The following DNAH7 variants were observed in gnomAD, a reference collection of about 807,000 sequenced individuals.
DNAH7 encodes dynein axonemal heavy chain 7.
A neutral mutation model predicts 444.6 loss-of-function variants in DNAH7; 397 were observed. That is an observed-to-expected ratio of 0.89 (90% CI 0.82 to 0.97). The LOEUF (loss-of-function observed/expected upper bound fraction) is 0.97. Ranked by LOEUF, DNAH7 falls within the 50% of genes least tolerant of loss-of-function variation. The pLI, the probability that DNAH7 is intolerant of heterozygous loss-of-function variation, is 0.00. For missense variants in DNAH7, 4,902 were observed against 4,800.8 expected (o/e 1.02, Z -0.62); for synonymous variants, 1,636 against 1,624.4 (o/e 1.01, Z -0.17).
At chr2:195,750,331 T>A (rs1295540292) in intron 63 of DNAH7, among the ~76,000 whole-genome samples, 1 of 152,202 alleles carries the variant, frequency 6.6e-6, no homozygotes, top group Non-Finnish European at 1.5e-5. Context: ...TATTAGGTAG[T>A]TCAGAAGCTT....
chr2:195,987,261 ATT>A (rs751323368), intron 13 of DNAH7, 68 bp from the exon 14 acceptor site: 141 of 1,246,894 alleles, frequency 1.1e-4, no homozygotes, highest in Non-Finnish European at 1.4e-4. Flanking sequence ...CAATTTTGCC[ATT>A]CTCATAATTT....
rs546684102 is a variant in DNAH7, at chr2:196,068,388, C to T, written c.15+309G>A. On this transcript the variant is annotated intron_variant, in intron 1 of 64. Transcript: ENST00000312428. ...AACCCGCTGCAACTCCTCGCAGAGC[C>T]GCCTCTCACCCAAGCACACCGCCAT... The T allele has an allele frequency of 4.7e-3, 1,979 of 417,682 alleles. 3 individuals carry two copies. Among genetic ancestry groups the T allele is most frequent in the Non-Finnish European group, 5.6e-3 (1,305 of 234,368 alleles). The allele number at this position is 417,682 out of a possible 1,614,324, so 25.9% of individuals were successfully genotyped here.
chr2:195,971,778 C>T (rs1430692907), intron 16 of DNAH7, among the ~76,000 whole-genome samples: 1 of 151,786 alleles, frequency 6.6e-6, no homozygotes, highest in East Asian at 1.9e-4. Flanking sequence ...CCCTCCCCCC[C>T]AAGAAAAAAG....
chr2:195,748,481 A>C (rs992051231), intron 63 of DNAH7, among the ~76,000 whole-genome samples: 1 of 152,218 alleles, frequency 6.6e-6, no homozygotes, highest in Non-Finnish European at 1.5e-5. Flanking sequence ...ATTGGAAAAA[A>C]CTACTTTAAA....
chr2:195,831,199 C>T lies in DNAH7; in HGVS notation c.9100+3007G>A, dbSNP rs577660650. 2.0e-5 allele frequency among the ~76,000 whole-genome samples: 3 copies of T among 152,280 alleles called. No homozygotes were observed. The East Asian group carries it at 5.8e-4, about 29-fold the overall frequency. The stretch of plus-strand genomic sequence containing the variant: ...ATTTGTATGATTAGTATTTTATGCA[C>T]ACTTTATCCATTGGCATAGCTAATA... On this transcript the variant is annotated intron_variant, in intron 48 of 64. Coordinates refer to ENST00000312428, the MANE Select transcript of DNAH7 (RefSeq NM_018897.3).
chr2:195,880,168 A>C (rs1036845132), intron 36 of DNAH7, among the ~76,000 whole-genome samples: 4 of 152,140 alleles, frequency 2.6e-5, no homozygotes, highest in Non-Finnish European at 5.9e-5. Flanking sequence ...CCTGAAGGGC[A>C]TGGCGGACAA....
At chr2:195,846,031 T>C (rs923589342) in intron 46 of DNAH7, among the ~76,000 whole-genome samples, 5 of 152,170 alleles carry the variant, frequency 3.3e-5, no homozygotes, top group African/African-American at 1.2e-4. Context: ...ACTAAAGAGC[T>C]TATTCACAGC....
intron 61 of DNAH7, among the ~76,000 whole-genome samples, chr2:195,765,860 A>G (rs1204339152): frequency 1.3e-5 from 2 of 152,196 alleles, no homozygotes; most frequent in Non-Finnish European, 2.9e-5. Flanking sequence ...CATATGATCC[A>G]GCAATCCTAC....
intron 55 of DNAH7, among the ~76,000 whole-genome samples, chr2:195,797,659 T>C (rs945817862): frequency 6.6e-6 from 1 of 152,204 alleles, no homozygotes; most frequent in Non-Finnish European, 1.5e-5. Flanking sequence ...TTGCTCTTCC[T>C]GGACTTTCAA....
intron 40 of DNAH7, among the ~76,000 whole-genome samples, chr2:195,868,828 T>C (rs1031588917): frequency 1.3e-5 from 2 of 149,756 alleles, no homozygotes; most frequent in South Asian, 2.2e-4. Flanking sequence ...AGGGAATGAG[T>C]TGTCAGTTTT....
intron 54 of DNAH7, among the ~76,000 whole-genome samples, chr2:195,804,213 C>T (rs142477535): frequency 6.7e-4 from 102 of 152,218 alleles, no homozygotes; most frequent in African/African-American, 2.5e-3. Context: ...GATATTAGCC[C>T]CATTCAGCAA....
At chr2:195,873,130 G>C (rs1700819382) in intron 39 of DNAH7, among the ~76,000 whole-genome samples, 1 of 152,206 alleles carries the variant, frequency 6.6e-6, no homozygotes, top group Non-Finnish European at 1.5e-5. Context: ...CACACAGACA[G>C]ACTTCCCCTG....
chr2:195,871,129 T>G (rs1423788019), intron 40 of DNAH7, among the ~76,000 whole-genome samples: 1 of 152,144 alleles, frequency 6.6e-6, no homozygotes, highest in Non-Finnish European at 1.5e-5. Flanking sequence ...AACATGCAAG[T>G]GGAACGGATC....
At chr2:196,026,143 G>A (rs1184223624) in intron 7 of DNAH7, among the ~76,000 whole-genome samples, 1 of 152,174 alleles carries the variant, frequency 6.6e-6, no homozygotes, top group African/African-American at 2.4e-5. Flanking sequence ...GCTCAGTTTT[G>A]CTCTTGTAGC....
intron 12 of DNAH7, among the ~76,000 whole-genome samples, chr2:195,992,577 C>T (rs1446299026): frequency 6.6e-6 from 1 of 152,156 alleles, no homozygotes; most frequent in Non-Finnish European, 1.5e-5. Flanking sequence ...GAGTTGAGTG[C>T]CTACTGTGTG....
chr2:195,990,769 G>C (rs1319414476), intron 12 of DNAH7, among the ~76,000 whole-genome samples: 5 of 125,398 alleles, frequency 4.0e-5, no homozygotes, highest in African/African-American at 1.5e-4. Context: ...GGTTACTATA[G>C]CTTTGTTGTG....
rs755879477 is a variant in DNAH7, at chr2:195,754,339, T to C, written c.11762A>G (p.Asp3921Gly). 9.3e-6 allele frequency: 15 copies of C among 1,613,718 alleles called. No individual in the cohort carries two copies. In the Admixed American group the frequency reaches 2.5e-4, roughly 27 times the overall value. Residue 3921 changes from aspartate (D) to glycine (G), a missense_variant and splice_region_variant, in exon 63 of 65, where the codon GAT (aspartate) becomes GGT (glycine). Transcript: ENST00000312428. ...EDKEYKHPPE[D>G]GVFIHGLFLD... is the part of the protein sequence containing the mutation. ...ACTCATTCTGTCCCTGCACTTACCA[T>C]CCTCAGGAGGATGCTTGTATTCTTT...
intron 14 of DNAH7, among the ~76,000 whole-genome samples, chr2:195,985,577 A>G (rs1302961428): frequency 6.6e-6 from 1 of 152,100 alleles, no homozygotes; most frequent in African/African-American, 2.4e-5. Flanking sequence ...TGCAGGGGCA[A>G]GAAGTGGAAG....
chr2:195,840,694 T>C (rs1197617626), intron 47 of DNAH7, among the ~76,000 whole-genome samples: 1 of 151,830 alleles, frequency 6.6e-6, no homozygotes, highest in African/African-American at 2.4e-5. Context: ...TAAACTGCTT[T>C]CCTAATGAAT....
Sources: allele counts gnomAD v4.1 joint callset (sites outside exome capture counted in the v4.1 genomes callset), GRCh38; gene constraint gnomAD v4.1.1; transcripts MANE v1.5; gene names NCBI Gene and HGNC (gene_info 2026-07-23, HGNC 2026-07-21).